Variants in MLXIP observed in about 807,000 individuals in gnomAD.
The protein encoded by MLXIP is MLX interacting protein.
A neutral mutation model predicts 87.2 loss-of-function variants in MLXIP; 30 were observed. The observed-to-expected ratio is 0.34, with a 90% CI of 0.26 to 0.47. The LOEUF (loss-of-function observed/expected upper bound fraction) is 0.47. Among genes scored for constraint, MLXIP ranks in the 20% least tolerant of loss-of-function variants. The pLI is 1.00. For missense variants in MLXIP, 1,002 were observed against 1,240.1 expected (o/e 0.81, Z 2.88); for synonymous variants, 530 against 514.0 (o/e 1.03, Z -0.42).
chr12:122,133,439 A>T lies in MLXIP; in HGVS notation c.1184A>T (p.Asp395Val), dbSNP rs779198725. ...PPTAPSLAHM[D>V]EQGCEHTSRT... ...ACCGCCCCATCCCTGGCTCACATGG[A>T]TGAGCAGGGCTGTGAACACACCTCC... Residue 395 changes from aspartate to valine, a missense_variant, in exon 9 of 17, where the codon GAT becomes GTT. Asp to Val is a radical substitution (Grantham distance 152, BLOSUM62 -3). This residue lies in a region of MLXIP where 746 missense variants were observed against 897.0 expected (regional missense o/e 0.83). Transcript: ENST00000319080. The surrounding 1 kb of genome is among the most constrained non-coding windows in gnomAD (Gnocchi z 4.9). 6.2e-7 allele frequency: 1 copy of T among 1,612,758 alleles called. No individual in the cohort carries two copies. The highest frequency in any genetic ancestry group is 8.5e-7 in the Non-Finnish European group (1 of 1,179,428).
At chr12:122,095,146 G>A (rs1407322710) in intron 1 of MLXIP, among the ~76,000 whole-genome samples, 1 of 105,402 alleles carries the variant, frequency 9.5e-6, no homozygotes, top group African/African-American at 2.8e-5. Context: ...TGGTGTCTGT[G>A]TGCGGTGTGG....
chr12:122,124,194 GCCCTCAGCTGTCCCCCT>G (rs1952833703), intron 1 of MLXIP, among the ~76,000 whole-genome samples: 1 of 5,526 alleles, frequency 1.8e-4, no homozygotes, highest in Non-Finnish European at 3.2e-4. Flanking sequence ...GCCGTCCCCC[GCCCTCAGCTGTCCCCCT>G]CCTCAGCCGT....
chr12:122,119,079 A>G (rs2135954858), intron 1 of MLXIP, among the ~76,000 whole-genome samples: 1 of 152,024 alleles, frequency 6.6e-6, no homozygotes, highest in Non-Finnish European at 1.5e-5. Flanking sequence ...AAGGAAGGAC[A>G]GTGGCGTGAA....
chr12:122,081,701 G>A (rs1363567927), intron 1 of MLXIP, among the ~76,000 whole-genome samples: 1 of 152,122 alleles, frequency 6.6e-6, no homozygotes, highest in Non-Finnish European at 1.5e-5. Flanking sequence ...TGGGGGCAGG[G>A]CAGAAAGAAG....
At chr12:122,094,699 GTGTGTGGTGTGTTGTA>G (rs1465606960) in intron 1 of MLXIP, among the ~76,000 whole-genome samples, 3 of 146,614 alleles carry the variant, frequency 2.0e-5, no homozygotes, top group African/African-American at 5.0e-5. Context: ...TGTGTGTTGT[GTGTGTGGTGTGTTGTA>G]TGTGTGGTGT....
chr12:122,111,076 C>A (rs1398727702), intron 1 of MLXIP, among the ~76,000 whole-genome samples: 728 of 129,072 alleles, frequency 5.6e-3, no homozygotes, highest in Middle Eastern at 0.012. Context: ...GACTCTGTCT[C>A]AAAAAAAAAA....
intron 1 of MLXIP, among the ~76,000 whole-genome samples, chr12:122,108,770 C>T (rs561330382): frequency 1.3e-5 from 2 of 152,194 alleles, no homozygotes; most frequent in Admixed American, 1.3e-4. Flanking sequence ...AATGAGTGCC[C>T]ATCACTGTCT....
chr12:122,102,300 AAAG>A (rs1952449387), intron 1 of MLXIP, among the ~76,000 whole-genome samples: 1 of 152,248 alleles, frequency 6.6e-6, no homozygotes, highest in Admixed American at 6.5e-5. Flanking sequence ...ACATTTTTCC[AAAG>A]AAGATACACA....
intron 15 of MLXIP, among the ~76,000 whole-genome samples, chr12:122,140,284 C>T (rs1363706808): frequency 6.6e-6 from 1 of 152,096 alleles, no homozygotes; most frequent in Non-Finnish European, 1.5e-5. Flanking sequence ...GCAGATGGCT[C>T]CTGCCTTTAT....
chr12:122,117,984 G>A (rs886144449), intron 1 of MLXIP, among the ~76,000 whole-genome samples: 9 of 152,168 alleles, frequency 5.9e-5, no homozygotes, highest in Admixed American at 2.6e-4. Flanking sequence ...CTTAATGAAA[G>A]CACTTTAAGG....
Position 122,135,750 on chromosome 12 carries a change from G to GT in MLXIP, c.2032+85dup. ...GTAGACCATGGGGGGTGCTTGCTGG[G>GT]TCCCCAGGACGGAGCCTGGGCTTAG... On this transcript the variant is annotated intron_variant, in intron 11 of 16. Coordinates refer to ENST00000319080, the MANE Select transcript of MLXIP (RefSeq NM_014938.6). The surrounding 1 kb of genome is among the most constrained non-coding windows in gnomAD (Gnocchi z 5.3). 7.1e-7 allele frequency: 1 copy of GT among 1,412,610 alleles called. No homozygotes were observed. The allele number at this position is 1,412,610 out of a possible 1,614,324, so 87.5% of individuals were successfully genotyped here.
rs753574181 is a variant in MLXIP at position 122,144,314 on chromosome 12, G to T, written c.*2502G>T. ...AAATCAATCTTGGCTGGGCACGGTG[G>T]CTCCTGCCTGTGATCCTAGCACTTT... On this transcript the variant is annotated 3_prime_UTR_variant, in exon 17 of 17. Coordinates refer to ENST00000319080, the MANE Select transcript of MLXIP (RefSeq NM_014938.6). 1.3e-5 allele frequency: 2 copies of T among 151,620 alleles called. No individual in the cohort carries two copies. The highest frequency in any genetic ancestry group is 2.9e-5 in the Non-Finnish European group (2 of 68,012). The allele number at this position is 151,620 out of a possible 1,614,324, so 9.4% of individuals were successfully genotyped here. A position where few individuals can be genotyped will look rare whatever the true frequency, so the allele number is the denominator to read the frequency against.
At chr12:122,125,942 G>A (rs1240772139) in intron 1 of MLXIP, among the ~76,000 whole-genome samples, 2 of 152,216 alleles carry the variant, frequency 1.3e-5, no homozygotes, top group Non-Finnish European at 2.9e-5. Context: ...CTGCTCAGGC[G>A]CCTCCTGTGA....
rs149123815 is a variant in MLXIP at position 122,116,128 on chromosome 12, T to C, written c.414-11128T>C. Among the ~76,000 whole-genome samples, 3 of 152,040 alleles carry C rather than the reference T, an allele frequency of 2.0e-5. No individual in the cohort carries two copies. In the East Asian group the frequency reaches 5.8e-4, roughly 29 times the overall value. On this transcript the variant is annotated intron_variant, in intron 1 of 16. Transcript: ENST00000319080. ...ATGACTGTAAATGACGTGTAGTCTG[T>C]TTACCAGTAATGTCCCAAAGCCAAT...
Position 122,137,851 on chromosome 12 carries a change from C to G in MLXIP, c.2154+261C>G, listed in dbSNP as rs1479580443. On this transcript the variant is annotated intron_variant, in intron 12 of 16. Transcript: ENST00000319080. This position sits in a 1 kb window ranked among gnomAD's most constrained non-coding sequence, Gnocchi z 4.1. ...TAGTGTGCAGGTACTGCTCAGGCTGCCCGCATCAGTTGCAGGAGGGGTGTG... is the reference window on the plus strand; with the variant it reads ...TAGTGTGCAGGTACTGCTCAGGCTGGCCGCATCAGTTGCAGGAGGGGTGTG... 1.3e-5 allele frequency among the ~76,000 whole-genome samples: 2 copies of G among 152,238 alleles called. No homozygotes were observed. Among genetic ancestry groups the G allele is most frequent in the Admixed American group, 1.3e-4 (2 of 15,288 alleles).
At chr12:122,131,530 G>T (rs964058370) in intron 7 of MLXIP, among the ~76,000 whole-genome samples, 5 of 140,030 alleles carry the variant, frequency 3.6e-5, no homozygotes, top group African/African-American at 1.3e-4. Context: ...GTTCACTGCA[G>T]CCCTGAACTC....
intron 1 of MLXIP, among the ~76,000 whole-genome samples, chr12:122,106,525 T>C (rs890717020): frequency 1.3e-5 from 2 of 151,628 alleles, no homozygotes; most frequent in African/African-American, 4.8e-5. Flanking sequence ...CTCCCTGGCC[T>C]GCAGAGGGTT....
At chr12:122,094,378 G>C (rs1458752404) in intron 1 of MLXIP, among the ~76,000 whole-genome samples, 2 of 143,098 alleles carry the variant, frequency 1.4e-5, no homozygotes, top group Non-Finnish European at 3.1e-5. Context: ...TATGTTTGCA[G>C]TGTCTGTGTG....
In MLXIP at chr12:122,132,498, G is replaced by A. The variant is rs1311258309; in HGVS notation, c.1092+115G>A. On this transcript the variant is annotated intron_variant, in intron 8 of 16. Coordinates refer to ENST00000319080, the MANE Select transcript of MLXIP (RefSeq NM_014938.6). ...ATAGCCACACAGTCACCAGCAAAGC[G>A]CCAAGCAGTGCTAGACCAGCACTAA... The A allele has an allele frequency of 7.6e-6, 6 of 791,102 alleles. No individual in the cohort carries two copies. In the Admixed American group the frequency reaches 1.3e-4, roughly 17 times the overall value. 49.0% of individuals were successfully genotyped at this position (791,102 alleles called of 1,614,324 possible).
Sources: allele counts gnomAD v4.1 joint callset (sites outside exome capture counted in the v4.1 genomes callset), GRCh38; gene constraint gnomAD v4.1.1; regional missense constraint gnomAD v4.1.1; non-coding constraint Gnocchi (gnomAD v3.1); transcripts MANE v1.5; gene names NCBI Gene and HGNC (gene_info 2026-07-23, HGNC 2026-07-21).